Variants in LIPA observed in about 807,000 individuals in gnomAD.
LIPA encodes the protein lysosomal acid lipase/cholesteryl ester hydrolase.
LIPA carries 26 observed loss-of-function variants against 40.6 expected under a neutral mutation model. The ratio of observed to expected loss-of-function variants is 0.64; its 90% confidence interval spans 0.47 to 0.89. LIPA has a LOEUF of 0.89. LIPA is among the 40% of genes least tolerant of loss of function. The pLI is 0.00. For synonymous variants in LIPA, 188 were observed against 168.4 expected, an observed-to-expected ratio of 1.12 and a Z score of -0.90; for missense variants, 455 against 479.6, an observed-to-expected ratio of 0.95 and a Z score of 0.48.
rs577802277 is a variant in LIPA, at chr10:89,247,979, T to C, written c.-1-330A>G. 501 of 159,316 alleles carry C rather than the reference T, an allele frequency of 3.1e-3. 4 individuals are homozygous for C. Among genetic ancestry groups the C allele is most frequent in the Non-Finnish European group, 5.4e-3 (406 of 74,520 alleles). The allele number at this position is 159,316 out of a possible 1,614,324, so 9.9% of individuals were successfully genotyped here. A position where few individuals can be genotyped will look rare whatever the true frequency, so the allele number is the denominator to read the frequency against. ...TGCCTCCTGGTTCAAGCAATTCTTCTGCCTCAGCCTCCCAAGTAGCTGGGA... is the reference window on the plus strand; with the variant it reads ...TGCCTCCTGGTTCAAGCAATTCTTCCGCCTCAGCCTCCCAAGTAGCTGGGA... On this transcript the variant is annotated intron_variant, in intron 1 of 9. Coordinates refer to ENST00000336233, the MANE Select transcript of LIPA (RefSeq NM_000235.4).
chr10:89,324,504 C>T (rs527907609), intron 1 of LIPA, among the ~76,000 whole-genome samples: 31 of 152,132 alleles, frequency 2.0e-4, no homozygotes, highest in African/African-American at 6.7e-4. Flanking sequence ...TACGACAAAA[C>T]CAAAAATTGA....
chr10:89,354,317 AT>A (rs1843978187), intron 2 of LIPA, among the ~76,000 whole-genome samples: 2 of 152,314 alleles, frequency 1.3e-5, no homozygotes, highest in African/African-American at 2.4e-5. Context: ...ACATGTACTG[AT>A]TGATGTCTCC....
Position 89,338,412 on chromosome 10 carries a change from G to A in LIPA, c.-2+4199C>T, listed in dbSNP as rs1843782525. The stretch of plus-strand genomic sequence containing the variant: ...GAATTCTCCCTTCCTCTGCCTTTTT[G>A]TTCTATTAAGGCCCTCAACAGAATG... On this transcript the variant is annotated intron_variant, in intron 1 of 5. Coordinates refer to the LIPA transcript ENST00000282673. The A allele has an allele frequency of 1.9e-5, 8 of 414,620 alleles. No homozygotes were observed. The Admixed American group carries it at 2.4e-4, about 12-fold the overall frequency. The allele number at this position is 414,620 out of a possible 1,614,324, so 25.7% of individuals were successfully genotyped here. A position where few individuals can be genotyped will look rare whatever the true frequency, so the allele number is the denominator to read the frequency against.
rs759696601 is a variant in LIPA at position 89,392,466 on chromosome 10, T to TCCCCCCCCC, written c.61+20324_61+20325insGGGGGGGGG. The TCCCCCCCCC allele has an allele frequency of 1.3e-4, 38 of 287,710 alleles. 2 individuals carry two copies. The highest frequency in any genetic ancestry group is 1.0e-3 in the Middle Eastern group (1 of 986). 17.8% of individuals were successfully genotyped at this position (287,710 alleles called of 1,614,324 possible). A position where few individuals can be genotyped will look rare whatever the true frequency, so the allele number is the denominator to read the frequency against. On this transcript the variant is annotated intron_variant, in intron 2 of 8. Transcript: ENST00000371837. ...TTTTAAAATAGAAACAAAGTTTCATTCCCCACCCCCCCCCGTCAGCAGGAA... is the reference window on the plus strand; with the variant it reads ...TTTTAAAATAGAAACAAAGTTTCATTCCCCCCCCCCCCCACCCCCCCCCGTCAGCAGGAA...
chr10:89,223,175 G>A (rs978551720), intron 7 of LIPA, among the ~76,000 whole-genome samples: 1 of 152,088 alleles, frequency 6.6e-6, no homozygotes, highest in Non-Finnish European at 1.5e-5. Flanking sequence ...TTGAAAATTT[G>A]TGTATTTTAG....
intron 3 of LIPA, among the ~76,000 whole-genome samples, chr10:89,242,397 G>A (rs1168310298): frequency 6.6e-6 from 1 of 152,210 alleles, no homozygotes; most frequent in African/African-American, 2.4e-5. Flanking sequence ...TTGCTGAATG[G>A]CAATTTCACA....
chr10:89,239,155 G>C (rs1344183727), intron 3 of LIPA, among the ~76,000 whole-genome samples: 2 of 152,158 alleles, frequency 1.3e-5, no homozygotes, highest in South Asian at 2.1e-4. Flanking sequence ...GCTGTAGTAG[G>C]CACAAGCAGG....
Position 89,214,543 on chromosome 10 carries a change from G to A in LIPA, c.*285C>T, listed in dbSNP as rs1589547799. ...ATATTTTAAATTTTAAAAACAGAAT[G>A]GATATAATGACCTTTTTACACATCA... On this transcript the variant is annotated 3_prime_UTR_variant, in exon 10 of 10. Transcript: ENST00000336233. 3.3e-6 allele frequency: 1 copy of A among 303,278 alleles called. No homozygotes were observed. The highest frequency in any genetic ancestry group is 6.2e-6 in the Non-Finnish European group (1 of 160,990). The allele number at this position is 303,278 out of a possible 1,614,324, so 18.8% of individuals were successfully genotyped here.
intron 3 of LIPA, among the ~76,000 whole-genome samples, chr10:89,229,426 G>T (rs1292209846): frequency 6.6e-6 from 1 of 152,142 alleles, no homozygotes; most frequent in Non-Finnish European, 1.5e-5. Context: ...TCATACATTT[G>T]TCCAAAACTA....
At position 89,325,091 on chromosome 10, in the gene LIPA, TA is replaced by T. The variant is rs914197917; in HGVS notation, c.-2+17519del. Among the ~76,000 whole-genome samples the T allele has an allele frequency of 7.2e-4, 109 of 151,742 alleles. 1 individual carries two copies. The highest frequency in any genetic ancestry group is 1.1e-3 in the Non-Finnish European group (78 of 67,868). On this transcript the variant is annotated intron_variant, in intron 1 of 5. Coordinates refer to the LIPA transcript ENST00000282673. ...AATAAATTTCTTCCTTCAGATACCCTAAAAAAAAGAATATGAAAAAATACTC... is the reference window on the plus strand; with the variant it reads ...AATAAATTTCTTCCTTCAGATACCCTAAAAAAAGAATATGAAAAAATACTC...
intron 1 of LIPA, chr10:89,338,819 A>T: frequency 6.2e-7 from 1 of 1,614,170 alleles, no homozygotes; most frequent in Non-Finnish European, 8.5e-7. Flanking sequence ...ACAATGTACA[A>T]CTTGTTGGCC....
chr10:89,296,113 A>T (rs184892435), intron 1 of LIPA, among the ~76,000 whole-genome samples: 271 of 152,356 alleles, frequency 1.8e-3, no homozygotes, highest in Admixed American at 4.1e-3. Context: ...AAATAAATCA[A>T]ACCAAACCCA....
At chr10:89,397,571 T>C (rs143246406) in intron 2 of LIPA, among the ~76,000 whole-genome samples, 4 of 152,320 alleles carry the variant, frequency 2.6e-5, no homozygotes, top group Admixed American at 6.5e-5. Context: ...AGACAGGGTC[T>C]TACTATGTTG....
At chr10:89,243,428 T>C (rs971780281) in intron 3 of LIPA, among the ~76,000 whole-genome samples, 1 of 152,148 alleles carries the variant, frequency 6.6e-6, no homozygotes, top group Non-Finnish European at 1.5e-5. Flanking sequence ...CCTCTCAGAA[T>C]AGAGAAAGAA....
At chr10:89,254,500 AT>A (rs1276312828), upstream of LIPA, among the ~76,000 whole-genome samples, 9 of 152,154 alleles carry the variant, frequency 5.9e-5, no homozygotes, top group Admixed American at 5.2e-4. Flanking sequence ...CCACAAAAGT[AT>A]TTTTTCCTCC....
rs572562787 is a variant in LIPA at position 89,396,385 on chromosome 10, TCTC to T, written c.61+16403_61+16405del. Among the ~76,000 whole-genome samples, 173 of 152,346 alleles carry T rather than the reference TCTC, an allele frequency of 1.1e-3. 1 individual carries two copies. The highest frequency in any genetic ancestry group is 3.9e-3 in the African/African-American group (164 of 41,570). On this transcript the variant is annotated intron_variant, in intron 2 of 8. Transcript: ENST00000371837. ...TACAAGAAGTATGGTGCTGGCATCTTCTCAGCTTCTGGTGAGGGCTTTGGTGCT... is the reference window on the plus strand; with the variant it reads ...TACAAGAAGTATGGTGCTGGCATCTTAGCTTCTGGTGAGGGCTTTGGTGCT...
At chr10:89,288,813 C>T (rs753751728) in intron 1 of LIPA, among the ~76,000 whole-genome samples, 5 of 152,216 alleles carry the variant, frequency 3.3e-5, no homozygotes, top group African/African-American at 4.8e-5. Flanking sequence ...TGCAAAAGTA[C>T]CACACATCAA....
intron 2 of LIPA, among the ~76,000 whole-genome samples, chr10:89,411,694 G>T (rs1349160277): frequency 6.6e-6 from 1 of 152,192 alleles, no homozygotes; most frequent in Admixed American, 6.5e-5. Flanking sequence ...AATCGCCAAG[G>T]CCTAGACCTC....
chr10:89,258,812 A>G (rs1843193421), intron 1 of LIPA, among the ~76,000 whole-genome samples: 1 of 152,254 alleles, frequency 6.6e-6, no homozygotes, highest in African/African-American at 2.4e-5. Flanking sequence ...TATGTTCATC[A>G]ACTGATGAAG....
Sources: gnomAD v4.1 joint callset for allele counts (sites outside exome capture counted in the v4.1 genomes callset) on GRCh38, gnomAD v4.1.1 for gene constraint, MANE v1.5 for transcripts, NCBI Gene and HGNC (gene_info 2026-07-23, HGNC 2026-07-21) for gene names.